The following MOSPD2 variants were observed in gnomAD, a reference collection of about 807,000 sequenced individuals.
MOSPD2 encodes motile sperm domain-containing protein 2.
A neutral mutation model predicts 41.7 loss-of-function variants in MOSPD2; 5 were observed. The ratio of observed to expected loss-of-function variants is 0.12; its 90% confidence interval spans 0.06 to 0.25. The LOEUF is 0.25. MOSPD2 is among the 10% of genes least tolerant of loss of function. The probability of loss-of-function intolerance (pLI) is 1.00; values close to 1 mark genes in which losing one functional copy is unlikely to be tolerated. For synonymous variants in MOSPD2, 115 were observed against 126.9 expected (o/e 0.91, Z 0.63); for missense variants, 282 against 375.2 (o/e 0.75, Z 2.05).
chrX:14,891,467 A>C (rs1391441482), intron 2 of MOSPD2, among the ~76,000 whole-genome samples: 1 of 111,127 alleles, frequency 9.0e-6, no homozygotes, highest in African/African-American at 3.3e-5. Flanking sequence ...GTAATATGGC[A>C]TACATGATCA....
At position 14,920,158 on chromosome X, in the gene MOSPD2, G is replaced by C. The variant is rs1266893586; in HGVS notation, c.*349G>C. 2 of 753,184 alleles carry C rather than the reference G, an allele frequency of 2.7e-6. No homozygotes were observed. Among genetic ancestry groups the C allele is most frequent in the Non-Finnish European group, 3.1e-6 (2 of 637,635 alleles). The allele number at this position is 753,184 out of a possible 1,213,427, so 62.1% of individuals were successfully genotyped here. ...ACATTAGCTAAACTGAAAAGTATAA[G>C]TAACATGCTTTGTTGCAGCCAAAAA... On this transcript the variant is annotated 3_prime_UTR_variant, in exon 15 of 15. Coordinates refer to ENST00000380492, the MANE Select transcript of MOSPD2 (RefSeq NM_152581.4).
chrX:14,911,965 A>T (rs913142405), intron 9 of MOSPD2, among the ~76,000 whole-genome samples: 1 of 112,083 alleles, frequency 8.9e-6, no homozygotes, highest in Non-Finnish European at 1.9e-5. Context: ...TTTATCTAAA[A>T]TTTTTTTATT....
At chrX:14,910,028 A>G (rs2092588814) in intron 8 of MOSPD2, among the ~76,000 whole-genome samples, 3 of 110,853 alleles carry the variant, frequency 2.7e-5, no homozygotes, top group Admixed American at 9.7e-5. Context: ...AAATAATGTT[A>G]ATTTTATGTA....
At chrX:14,897,024 T>A in intron 4 of MOSPD2, 60 bp from the exon 5 acceptor site, 2 of 872,791 alleles carry the variant, frequency 2.3e-6, no homozygotes, top group Non-Finnish European at 3.1e-6. Flanking sequence ...AGGCAATATA[T>A]ATGTATAATA....
chrX:14,908,231 C>T (rs2092585591), intron 7 of MOSPD2, among the ~76,000 whole-genome samples: 1 of 111,735 alleles, frequency 8.9e-6, no homozygotes, highest in South Asian at 3.7e-4. Flanking sequence ...GTTCGTGCCA[C>T]TGCACTCCAG....
chrX:14,877,360 G>A (rs994093078), intron 2 of MOSPD2, among the ~76,000 whole-genome samples: 4 of 109,298 alleles, frequency 3.7e-5, no homozygotes, highest in Non-Finnish European at 5.7e-5. Context: ...CTTTTTTTTC[G>A]AGACGGAGTT....
intron 2 of MOSPD2, among the ~76,000 whole-genome samples, chrX:14,880,411 A>G (rs1334376831): frequency 8.9e-6 from 1 of 111,748 alleles, no homozygotes; most frequent in Non-Finnish European, 1.9e-5. Context: ...TGTACATAAT[A>G]ACCACCTTGA....
chrX:14,874,529 G>C, intron 2 of MOSPD2: 1 of 111,619 alleles, frequency 9.0e-6, no homozygotes, highest in Non-Finnish European at 1.9e-5. Context: ...TTTCATATCT[G>C]TGAAGTGCAA....
At chrX:14,915,993 T>C (rs770188462) in intron 12 of MOSPD2, among the ~76,000 whole-genome samples, 85 of 112,934 alleles carry the variant, frequency 7.5e-4, no homozygotes, top group Non-Finnish European at 1.4e-3. Context: ...TTCTAACAAG[T>C]AAAATTGTTT....
chrX:14,895,651 C>T (rs2092561794), intron 4 of MOSPD2, among the ~76,000 whole-genome samples: 2 of 111,928 alleles, frequency 1.8e-5, no homozygotes, highest in Non-Finnish European at 3.8e-5. Context: ...TTATTTAATT[C>T]AGAGTCATTA....
chrX:14,873,989 A>G, intron 2 of MOSPD2: 1 of 406,192 alleles, frequency 2.5e-6, no homozygotes. Flanking sequence ...TAAGTTGGAA[A>G]TCGGTTAAGT....
chrX:14,920,331 G>A lies in MOSPD2; in HGVS notation c.*522G>A. On this transcript the variant is annotated 3_prime_UTR_variant, in exon 15 of 15. Coordinates refer to ENST00000380492, the MANE Select transcript of MOSPD2 (RefSeq NM_152581.4). ...TGTAACCATGACTTTGTAATTTTGA[G>A]AATTCCTCCCAGTGATGGTCAGTAT... 1 of 753,499 alleles carries A rather than the reference G, an allele frequency of 1.3e-6. No individual in the cohort carries two copies. The highest frequency in any genetic ancestry group is 1.6e-6 in the Non-Finnish European group (1 of 638,399). The allele number at this position is 753,499 out of a possible 1,213,427, so 62.1% of individuals were successfully genotyped here.
At chrX:14,917,625 CAT>C (rs1470415856) in intron 13 of MOSPD2, among the ~76,000 whole-genome samples, 1 of 111,838 alleles carries the variant, frequency 8.9e-6, no homozygotes. Context: ...ATGCTTTAGA[CAT>C]ATTGATTCAT....
intron 2 of MOSPD2, among the ~76,000 whole-genome samples, chrX:14,892,003 C>T (rs1183516117): frequency 9.0e-6 from 1 of 111,670 alleles, no homozygotes; most frequent in African/African-American, 3.3e-5. Context: ...ATTAATCTTC[C>T]CAGATGTTGG....
At position 14,919,792 on chromosome X, in the gene MOSPD2, T is replaced by A. The variant is rs1473128001; in HGVS notation, c.1540T>A (p.Tyr514Asn). 8.3e-7 allele frequency: 1 copy of A among 1,209,045 alleles called. No homozygotes were observed. Reference protein sequence around the residue: ...LLLAFVTSFFYLLYS With the variant: ...LLLAFVTSFFNLLYS ...GCTTGCTTTTGTCACCTCTTTCTTC[T>A]ATTTATTGTACAGTTAAAGAAGTGG... The change falls in exon 15 of 15, where the codon TAT becomes AAT. Residue 514 changes from tyrosine (Y) to asparagine (N), a missense_variant. Transcript: ENST00000380492.
rs2092512289 is a variant in MOSPD2, at chrX:14,873,673, C to T, written c.10-16C>T. The stretch of plus-strand genomic sequence containing the variant: ...ATGCAAGTAGTATCTAAGGTCCCAT[C>T]GTGTCTCCCATCCAGAATCACGCCC... On this transcript the variant is annotated splice_polypyrimidine_tract_variant and intron_variant, in intron 1 of 14. Coordinates refer to ENST00000380492, the MANE Select transcript of MOSPD2 (RefSeq NM_152581.4). 1 of 1,208,629 alleles carries T rather than the reference C, an allele frequency of 8.3e-7. No homozygotes were observed. Among genetic ancestry groups the T allele is most frequent in the Non-Finnish European group, 1.1e-6 (1 of 892,569 alleles).
chrX:14,911,246 A>C lies in MOSPD2; in HGVS notation c.712A>C (p.Lys238Gln). 8.4e-7 allele frequency: 1 copy of C among 1,194,614 alleles called. No homozygotes were observed. Residue 238 changes from lysine (K) to glutamine (Q), a missense_variant, in exon 9 of 15, where the codon AAG becomes CAG. Physicochemically the swap from Lys to Gln is moderately conservative, Grantham distance 53 (BLOSUM62 1). Coordinates refer to ENST00000380492, the MANE Select transcript of MOSPD2 (RefSeq NM_152581.4). The stretch of plus-strand genomic sequence containing the variant: ...AATTATTTTCTTGTAGGATCCTTTC[A>C]AGTATAGCTATCCACCACTAGTAGA... ...PPHMGGTDPF[K>Q]YSYPPLVDDD...
chrX:14,904,688 G>A (rs1395049801), intron 7 of MOSPD2, among the ~76,000 whole-genome samples: 2 of 111,919 alleles, frequency 1.8e-5, no homozygotes, highest in Non-Finnish European at 3.8e-5. Flanking sequence ...GTAGGGCAGA[G>A]TCCAAGGAAG....
rs188025423 is a variant in MOSPD2 at position 14,909,780 on chromosome X, T to C, written c.702+796T>C. Among the ~76,000 whole-genome samples, 36 of 111,504 alleles carry C rather than the reference T, an allele frequency of 3.2e-4. No homozygotes were observed. In the East Asian group the frequency reaches 8.5e-3, roughly 26 times the overall value. On this transcript the variant is annotated intron_variant, in intron 8 of 14. Coordinates refer to ENST00000380492, the MANE Select transcript of MOSPD2 (RefSeq NM_152581.4). ...GAACTAGCAAGAGGAATAGTTTCGA[T>C]ATGTCCTTCTGTTTATTGTCTTTGA...
Sources: allele counts gnomAD v4.1 joint callset (sites outside exome capture counted in the v4.1 genomes callset), GRCh38; gene constraint gnomAD v4.1.1; transcripts MANE v1.5; gene names NCBI Gene and HGNC (gene_info 2026-07-23, HGNC 2026-07-21).